GPC5: variants seen among roughly 807,000 people sequenced by gnomAD.
The protein encoded by GPC5 is glypican 5.
Under a neutral mutation model 53.9 loss-of-function variants are expected in GPC5, and 47 were observed. The ratio of observed to expected loss-of-function variants is 0.87; its 90% CI spans 0.69 to 1.11. The LOEUF (loss-of-function observed/expected upper bound fraction) is 1.11. Among genes scored for constraint, GPC5 ranks in the 50% most tolerant of loss-of-function variants. GPC5 has a pLI of 0.00. For missense variants in GPC5, 748 were observed against 713.1 expected, an observed-to-expected ratio of 1.05 and a Z score of -0.56; for synonymous variants, 286 against 263.3, an observed-to-expected ratio of 1.09 and a Z score of -0.84.
At chr13:92,577,803 C>G (rs1883237106) in intron 7 of GPC5, among the ~76,000 whole-genome samples, 1 of 151,554 alleles carries the variant, frequency 6.6e-6, no homozygotes, top group South Asian at 2.1e-4. Flanking sequence ...GCATAAGAAA[C>G]AGAGACTATG....
intron 6 of GPC5, among the ~76,000 whole-genome samples, chr13:92,073,882 A>G (rs1416637066): frequency 6.6e-6 from 1 of 151,792 alleles, no homozygotes; most frequent in Non-Finnish European, 1.5e-5. Flanking sequence ...GGGGGCTGTT[A>G]CTCCCATCCT....
chr13:92,385,461 C>CATAT lies in GPC5; in HGVS notation c.1561+240473_1561+240474insTATA, dbSNP rs2043792066. ...ACATATATACATATATACATATATA[C>CATAT]ACATATATACATATATACATATATA... On this transcript the variant is annotated intron_variant, in intron 7 of 7. Coordinates refer to ENST00000377067, the MANE Select transcript of GPC5 (RefSeq NM_004466.6). Among the ~76,000 whole-genome samples, 3 of 70,448 alleles carry CATAT rather than the reference C, an allele frequency of 4.3e-5. 1 individual carries two copies. Among genetic ancestry groups the CATAT allele is most frequent in the East Asian group, 7.9e-4 (2 of 2,516 alleles). 46.2% of individuals were successfully genotyped at this position (70,448 alleles called of 152,430 possible).
intron 7 of GPC5, among the ~76,000 whole-genome samples, chr13:92,743,532 T>C (rs546915896): frequency 1.1e-4 from 16 of 152,028 alleles, no homozygotes; most frequent in African/African-American, 3.4e-4. Flanking sequence ...CATCTGCAAA[T>C]GGGGACAATT....
chr13:92,128,553 C>T (rs1468340439), intron 6 of GPC5, among the ~76,000 whole-genome samples: 1 of 152,188 alleles, frequency 6.6e-6, no homozygotes, highest in Non-Finnish European at 1.5e-5. Context: ...GATTGTTATA[C>T]CAACAAGACA....
At chr13:91,991,513 T>G (rs1339063260) in intron 6 of GPC5, among the ~76,000 whole-genome samples, 1 of 152,164 alleles carries the variant, frequency 6.6e-6, no homozygotes, top group Non-Finnish European at 1.5e-5. Context: ...AATATTTTCA[T>G]AAAGTGCAAA....
chr13:92,732,185 G>T (rs2139300302), intron 7 of GPC5, among the ~76,000 whole-genome samples: 1 of 151,520 alleles, frequency 6.6e-6, no homozygotes, highest in Non-Finnish European at 1.5e-5. Context: ...AACAGTATAT[G>T]CTCTTTGGTT....
rs1013228743 is a variant in GPC5 at position 91,483,657 on chromosome 13, A to G, written c.325+34735A>G. On this transcript the variant is annotated intron_variant, in intron 2 of 7. Coordinates refer to ENST00000377067, the MANE Select transcript of GPC5 (RefSeq NM_004466.6). ...TGGTTAAGCACAATTAAAAATTTGG[A>G]TTTAAAAAAATATTATTCTTCTAAT... Among the ~76,000 whole-genome samples the G allele has an allele frequency of 2.0e-5, 3 of 152,178 alleles. No individual in the cohort carries two copies. In the South Asian group the frequency reaches 6.2e-4, roughly 31 times the overall value.
intron 7 of GPC5, among the ~76,000 whole-genome samples, chr13:92,778,330 T>C (rs138093531): frequency 8.5e-4 from 129 of 152,296 alleles, no homozygotes; most frequent in African/African-American, 3.0e-3. Flanking sequence ...GAATCAGTCT[T>C]ATAAATGTGC....
intron 2 of GPC5, among the ~76,000 whole-genome samples, chr13:91,676,021 C>G (rs960203650): frequency 6.6e-6 from 1 of 152,122 alleles, no homozygotes; most frequent in Non-Finnish European, 1.5e-5. Context: ...AATCAGGAGC[C>G]TGAAGTAACT....
chr13:92,828,776 T>C (rs1877941795), intron 7 of GPC5, among the ~76,000 whole-genome samples: 1 of 152,092 alleles, frequency 6.6e-6, no homozygotes, highest in African/African-American at 2.4e-5. Context: ...TCCACTAAAA[T>C]TTCATAAGCA....
At chr13:92,539,620 G>A (rs1175380795) in intron 7 of GPC5, among the ~76,000 whole-genome samples, 1 of 151,944 alleles carries the variant, frequency 6.6e-6, no homozygotes, top group South Asian at 2.1e-4. Context: ...TCTGTAGGTT[G>A]CCTGTTCACT....
chr13:92,444,493 G>T (rs1044264726), intron 7 of GPC5, among the ~76,000 whole-genome samples: 1 of 152,040 alleles, frequency 6.6e-6, no homozygotes. Flanking sequence ...AATCACTGTG[G>T]TTGAGAAGGT....
At chr13:91,564,997 G>GC (rs2031462681) in intron 2 of GPC5, among the ~76,000 whole-genome samples, 2 of 149,550 alleles carry the variant, frequency 1.3e-5, no homozygotes, top group South Asian at 4.2e-4. Flanking sequence ...TTTTTTTGGG[G>GC]GGGGGTCGGT....
At chr13:92,539,246 ACT>A (rs1881844977) in intron 7 of GPC5, among the ~76,000 whole-genome samples, 1 of 151,800 alleles carries the variant, frequency 6.6e-6, no homozygotes, top group East Asian at 1.9e-4. Flanking sequence ...GAATCGCCAC[ACT>A]GTCTTCCACA....
At chr13:92,101,607 A>T (rs558262594) in intron 6 of GPC5, among the ~76,000 whole-genome samples, 35 of 152,246 alleles carry the variant, frequency 2.3e-4, no homozygotes, top group Non-Finnish European at 3.8e-4. Context: ...GAATTTAAAC[A>T]TGAGTGACTT....
intron 7 of GPC5, among the ~76,000 whole-genome samples, chr13:92,678,068 A>G (rs1245125788): frequency 6.6e-6 from 1 of 152,204 alleles, no homozygotes; most frequent in Non-Finnish European, 1.5e-5. Context: ...AGAGGATAAG[A>G]GTTTTCCCCT....
At chr13:91,983,413 A>G (rs2040378681) in intron 6 of GPC5, among the ~76,000 whole-genome samples, 1 of 152,066 alleles carries the variant, frequency 6.6e-6, no homozygotes, top group South Asian at 2.1e-4. Context: ...GTGTGGCAAG[A>G]GCTTCCTGGT....
At chr13:91,541,893 C>G (rs568388044) in intron 2 of GPC5, among the ~76,000 whole-genome samples, 3 of 151,094 alleles carry the variant, frequency 2.0e-5, no homozygotes, top group African/African-American at 4.9e-5. Flanking sequence ...CTGTTTTTTT[C>G]GTAAATGGTG....
intron 7 of GPC5, among the ~76,000 whole-genome samples, chr13:92,511,076 G>T (rs1222908081): frequency 1.3e-5 from 2 of 152,238 alleles, no homozygotes; most frequent in East Asian, 3.9e-4. Context: ...AGAAAAGGAT[G>T]GGTTCATTTC....
Sources: gnomAD v4.1 joint callset for allele counts (sites outside exome capture counted in the v4.1 genomes callset) on GRCh38, gnomAD v4.1.1 for gene constraint, MANE v1.5 for transcripts, NCBI Gene and HGNC (gene_info 2026-07-23, HGNC 2026-07-21) for gene names.